Variants in CSMD1 observed in about 807,000 individuals in gnomAD.
The protein encoded by CSMD1 is CUB and sushi domain-containing protein 1.
A neutral mutation model predicts 417.5 loss-of-function variants in CSMD1; 213 were observed. The observed-to-expected ratio is 0.51, with a 90% CI of 0.46 to 0.57. The LOEUF is 0.57. Among genes scored for constraint, CSMD1 ranks in the 20% least tolerant of loss-of-function variants. CSMD1 has a pLI of 0.00. For missense variants in CSMD1, 6,923 were observed against 4,529.7 expected (o/e 1.53, Z -15.17); for synonymous variants, 2,862 against 1,736.8 (o/e 1.65, Z -16.11).
intron 5 of CSMD1, among the ~76,000 whole-genome samples, chr8:3,988,153 C>G (rs1042074097): frequency 6.6e-6 from 1 of 152,098 alleles, no homozygotes; most frequent in African/African-American, 2.4e-5. Flanking sequence ...GGCAGTTGGG[C>G]TGGTTCAGAA....
At chr8:3,974,708 T>C (rs1221521807) in intron 5 of CSMD1, among the ~76,000 whole-genome samples, 2 of 151,876 alleles carry the variant, frequency 1.3e-5, no homozygotes, top group Non-Finnish European at 2.9e-5. Context: ...GAAAATTTTA[T>C]ATAAGATGAA....
At chr8:3,391,097 C>A (rs1183327763) in intron 17 of CSMD1, among the ~76,000 whole-genome samples, 1 of 152,212 alleles carries the variant, frequency 6.6e-6, no homozygotes, top group Non-Finnish European at 1.5e-5. Context: ...TATACCTTTG[C>A]ATTGCATCCA....
chr8:4,549,619 T>C (rs993677847), intron 2 of CSMD1, among the ~76,000 whole-genome samples: 20 of 151,980 alleles, frequency 1.3e-4, no homozygotes, highest in Non-Finnish European at 2.4e-4. Flanking sequence ...CCGGGCGCGG[T>C]GGCTCACACC....
intron 1 of CSMD1, among the ~76,000 whole-genome samples, chr8:4,781,403 T>C (rs942770872): frequency 2.0e-5 from 3 of 152,192 alleles, no homozygotes; most frequent in African/African-American, 7.2e-5. Flanking sequence ...CTTACCCCCA[T>C]CCAAGAATGC....
intron 1 of CSMD1, among the ~76,000 whole-genome samples, chr8:4,737,696 A>G (rs1438490141): frequency 6.6e-6 from 1 of 152,218 alleles, no homozygotes; most frequent in East Asian, 1.9e-4. Context: ...AAATCATTTA[A>G]TTCGGCTGCT....
intron 3 of CSMD1, among the ~76,000 whole-genome samples, chr8:4,177,852 C>G (rs902973658): frequency 1.3e-5 from 2 of 151,674 alleles, no homozygotes; most frequent in Admixed American, 6.6e-5. Flanking sequence ...AATTCCTCGA[C>G]ACATACACTC....
At position 3,753,339 on chromosome 8, in the gene CSMD1, T is replaced by C. The variant is rs1412117515; in HGVS notation, c.931+591A>G. On this transcript the variant is annotated intron_variant, in intron 6 of 69. Coordinates refer to ENST00000635120, the MANE Select transcript of CSMD1 (RefSeq NM_033225.6). ...CTCATTATTAGAAACATACAGGAAA[T>C]GATACAATATGATCTAGGTATAAAC... Among the ~76,000 whole-genome samples, 3 of 152,174 alleles carry C rather than the reference T, an allele frequency of 2.0e-5. No homozygotes were observed. In the East Asian group the frequency reaches 5.8e-4, roughly 29 times the overall value.
At position 3,929,022 on chromosome 8, in the gene CSMD1, T is replaced by A. The variant is rs140296183; in HGVS notation, c.818+68881A>T. Among the ~76,000 whole-genome samples the A allele has an allele frequency of 6.7e-4, 101 of 150,614 alleles. 2 individuals carry two copies. The highest frequency in any genetic ancestry group is 2.4e-3 in the African/African-American group (98 of 40,870). On this transcript the variant is annotated intron_variant, in intron 5 of 69. Transcript: ENST00000635120. The stretch of plus-strand genomic sequence containing the variant: ...ATCTTACCGATTTTTGGTTTCCCTG[T>A]AACTCTCAGGGCCATCAGCATTGCC...
At chr8:3,625,286 T>C (rs9650476) in intron 7 of CSMD1, among the ~76,000 whole-genome samples, 50,502 of 152,114 alleles carry the variant, frequency 0.33, 9,641 homozygotes, top group Middle Eastern at 0.47. Context: ...TCAGCACATA[T>C]TGCTTTTATA....
intron 1 of CSMD1, among the ~76,000 whole-genome samples, chr8:4,707,191 C>G (rs993282180): frequency 1.3e-5 from 2 of 152,166 alleles, no homozygotes; most frequent in Non-Finnish European, 2.9e-5. Flanking sequence ...ATAGTTATTG[C>G]ACTCTAGACA....
intron 5 of CSMD1, among the ~76,000 whole-genome samples, chr8:3,885,304 C>T (rs1806484820): frequency 6.6e-6 from 1 of 152,064 alleles, no homozygotes; most frequent in African/African-American, 2.4e-5. Context: ...CTGACCTTTT[C>T]AGGGGTTTGT....
chr8:3,699,433 C>T (rs764690266), intron 7 of CSMD1, among the ~76,000 whole-genome samples: 14 of 152,182 alleles, frequency 9.2e-5, no homozygotes, highest in Non-Finnish European at 1.9e-4. Flanking sequence ...TTAGCCAGTA[C>T]CTAGCAAGTC....
chr8:3,671,049 A>G (rs1449914995), intron 7 of CSMD1, among the ~76,000 whole-genome samples: 5 of 126,252 alleles, frequency 4.0e-5, no homozygotes, highest in African/African-American at 1.3e-4. Flanking sequence ...ATATATATGT[A>G]TATAGGATAT....
At chr8:2,953,332 G>C (rs1157957845) in intron 65 of CSMD1, among the ~76,000 whole-genome samples, 1 of 151,774 alleles carries the variant, frequency 6.6e-6, no homozygotes, top group Non-Finnish European at 1.5e-5. Context: ...AGAATTAAAT[G>C]TGTCACACAG....
At chr8:3,202,245 C>G (rs1012628065) in intron 31 of CSMD1, among the ~76,000 whole-genome samples, 2 of 152,186 alleles carry the variant, frequency 1.3e-5, no homozygotes, top group African/African-American at 2.4e-5. Context: ...GAAAAATAAG[C>G]AAAGGATCAA....
At chr8:3,008,463 T>TG (rs1808132031) in intron 52 of CSMD1, among the ~76,000 whole-genome samples, 1 of 152,216 alleles carries the variant, frequency 6.6e-6, no homozygotes, top group Non-Finnish European at 1.5e-5. Flanking sequence ...CTCAAAGCCT[T>TG]TGTTTCTAGA....
chr8:3,080,891 G>C (rs147324416), intron 49 of CSMD1, among the ~76,000 whole-genome samples: 26 of 152,092 alleles, frequency 1.7e-4, no homozygotes, highest in African/African-American at 5.8e-4. Flanking sequence ...TTTCAAATCC[G>C]AGTAATTTTT....
chr8:3,516,666 T>G (rs920100970), intron 10 of CSMD1, among the ~76,000 whole-genome samples: 2 of 152,182 alleles, frequency 1.3e-5, no homozygotes, highest in African/African-American at 4.8e-5. Context: ...TATAATGTAT[T>G]GGGGTACAGG....
At chr8:3,792,773 C>T (rs1332733711) in intron 5 of CSMD1, among the ~76,000 whole-genome samples, 1 of 152,192 alleles carries the variant, frequency 6.6e-6, no homozygotes, top group Non-Finnish European at 1.5e-5. Flanking sequence ...CCTTTTCATG[C>T]TCTCTCTCAC....
Sources: gnomAD v4.1 joint callset for allele counts (sites outside exome capture counted in the v4.1 genomes callset) on GRCh38, gnomAD v4.1.1 for gene constraint, MANE v1.5 for transcripts, NCBI Gene and HGNC (gene_info 2026-07-23, HGNC 2026-07-21) for gene names.